Variants in NIPBL observed in about 807,000 individuals in gnomAD.
NIPBL encodes nipped-B-like protein.
Under a neutral mutation model 321.8 loss-of-function variants are expected in NIPBL, and 19 were observed. That is an observed-to-expected ratio of 0.06 (90% CI 0.04 to 0.09). NIPBL has a LOEUF of 0.09. Ranked by LOEUF, NIPBL falls within the 10% of genes least tolerant of loss-of-function variation. The probability of loss-of-function intolerance (pLI) is 1.00; values close to 1 mark genes in which losing one functional copy is unlikely to be tolerated. For missense variants in NIPBL, 2,210 were observed against 3,327.0 expected (o/e 0.66, Z 8.26); for synonymous variants, 1,106 against 1,114.1 (o/e 0.99, Z 0.14).
chr5:37,061,303 G>A (rs1343445158), intron 45 of NIPBL, among the ~76,000 whole-genome samples: 1 of 152,150 alleles, frequency 6.6e-6, no homozygotes, highest in African/African-American at 2.4e-5. Flanking sequence ...TTTTGTAGTT[G>A]TCCCCTGGTA....
intron 23 of NIPBL, 128 bp from the exon 24 acceptor site, chr5:37,016,891 A>G (rs1749058427): frequency 1.5e-6 from 1 of 665,086 alleles, no homozygotes; most frequent in Non-Finnish European, 2.4e-6. Context: ...TTTATGGGAC[A>G]ATATCACAGG....
chr5:36,919,430 C>CT (rs1748745070), intron 1 of NIPBL, among the ~76,000 whole-genome samples: 2 of 151,730 alleles, frequency 1.3e-5, no homozygotes, highest in South Asian at 4.2e-4. Context: ...AACACCTGGG[C>CT]TTGAGTGATC....
chr5:37,019,167 T>A (rs1176609817), intron 24 of NIPBL, 144 bp from the exon 25 acceptor site: 3 of 654,352 alleles, frequency 4.6e-6, no homozygotes, highest in Non-Finnish European at 8.1e-6. Context: ...GGAAATAATA[T>A]TTTTCTGTTT....
chr5:36,961,637 G>A (rs976377798), intron 5 of NIPBL, 54 bp downstream of exon 5: 6 of 1,074,520 alleles, frequency 5.6e-6, no homozygotes, highest in African/African-American at 3.1e-5. Context: ...TGAATATGCT[G>A]GTGAATATAT....
chr5:37,026,345 AAGGGT>A lies in NIPBL; in HGVS notation c.5808+19_5808+23del. ...CCGATGTGGTAAGAAGGACTGGAACAAGGGTGTGGTCACTGTTGATCCAGACCTAA... is the reference window on the plus strand; with the variant it reads ...CCGATGTGGTAAGAAGGACTGGAACAGTGGTCACTGTTGATCCAGACCTAA... On this transcript the variant is annotated intron_variant, in intron 31 of 46. Transcript: ENST00000282516. The A allele has an allele frequency of 6.9e-7, 1 of 1,456,400 alleles. No homozygotes were observed. The highest frequency in any genetic ancestry group is 9.6e-7 in the Non-Finnish European group (1 of 1,038,150). The allele number at this position is 1,456,400 out of a possible 1,614,324, so 90.2% of individuals were successfully genotyped here.
chr5:36,999,090 G>C (rs983503717), intron 11 of NIPBL, among the ~76,000 whole-genome samples: 63 of 152,230 alleles, frequency 4.1e-4, no homozygotes, highest in African/African-American at 1.5e-3. Context: ...TTCTTGAACA[G>C]GAGTAGTTAG....
intron 1 of NIPBL, among the ~76,000 whole-genome samples, chr5:36,893,782 A>G (rs2149526629): frequency 6.6e-6 from 1 of 152,282 alleles, no homozygotes; most frequent in South Asian, 2.1e-4. Flanking sequence ...TTTTAAAAAA[A>G]TGAGAATGGT....
chr5:36,904,098 C>T (rs75159087), intron 1 of NIPBL, among the ~76,000 whole-genome samples: 68 of 152,190 alleles, frequency 4.5e-4, no homozygotes, highest in Non-Finnish European at 8.1e-4. Context: ...TAGAAGTGCT[C>T]GTAAGTAGGA....
intron 29 of NIPBL, among the ~76,000 whole-genome samples, chr5:37,022,661 GA>G (rs1246960131): frequency 6.6e-6 from 1 of 152,052 alleles, no homozygotes; most frequent in East Asian, 1.9e-4. Context: ...TAGATGATAG[GA>G]ACCACATGGG....
At chr5:37,060,198 C>T (rs572971636) in intron 44 of NIPBL, among the ~76,000 whole-genome samples, 1 of 152,198 alleles carries the variant, frequency 6.6e-6, no homozygotes, top group Non-Finnish European at 1.5e-5. Context: ...GTATTTGCAA[C>T]AGGGTCTCGC....
At chr5:36,879,769 ATTGTT>A (rs1342502422) in intron 1 of NIPBL, among the ~76,000 whole-genome samples, 1 of 152,110 alleles carries the variant, frequency 6.6e-6, no homozygotes, top group Non-Finnish European at 1.5e-5. Flanking sequence ...AATGTCGCTT[ATTGTT>A]TCTCTTAACT....
chr5:37,061,525 A>G (rs1359060970), intron 45 of NIPBL, among the ~76,000 whole-genome samples: 1 of 152,110 alleles, frequency 6.6e-6, no homozygotes, highest in Non-Finnish European at 1.5e-5. Flanking sequence ...AAAAAATACA[A>G]AAAATTACCT....
At chr5:36,906,136 A>G (rs1166604470) in intron 1 of NIPBL, among the ~76,000 whole-genome samples, 1 of 152,188 alleles carries the variant, frequency 6.6e-6, no homozygotes, top group East Asian at 1.9e-4. Flanking sequence ...ACATCAATAC[A>G]TCATGATAAA....
intron 6 of NIPBL, among the ~76,000 whole-genome samples, chr5:36,968,111 AC>A (rs1217333419): frequency 0.1 from 11,842 of 115,092 alleles, 1,065 homozygotes; most frequent in Admixed American, 0.15. Context: ...AAAAAAAAAA[AC>A]AAAAAACAAA....
At position 37,052,580 on chromosome 5, in the gene NIPBL, CTT is replaced by C; in HGVS notation, c.7263+15_7263+16del. On this transcript the variant is annotated intron_variant, in intron 42 of 46. Coordinates refer to ENST00000282516, the MANE Select transcript of NIPBL (RefSeq NM_133433.4). ...GATGACACAGCAGTAAGCACAAAAA[CTT>C]ATTATTTTAAGAAAATAAGTGCTCT... 22 of 1,607,152 alleles carry C rather than the reference CTT, an allele frequency of 1.4e-5. No individual in the cohort carries two copies. The highest frequency in any genetic ancestry group is 1.9e-5 in the Non-Finnish European group (22 of 1,174,074).
At chr5:37,044,969 A>G (rs1752823399) in intron 36 of NIPBL, among the ~76,000 whole-genome samples, 1 of 152,228 alleles carries the variant, frequency 6.6e-6, no homozygotes, top group Non-Finnish European at 1.5e-5. Context: ...GCGCACTGTG[A>G]AAAGTAAAAT....
chr5:37,023,028 C>T (rs933442444), intron 29 of NIPBL, among the ~76,000 whole-genome samples: 1 of 152,194 alleles, frequency 6.6e-6, no homozygotes, highest in African/African-American at 2.4e-5. Flanking sequence ...GGCATATTGA[C>T]TTATTGTAGA....
chr5:36,952,062 G>GCGCGCA (rs1554010313), intron 1 of NIPBL, among the ~76,000 whole-genome samples: 3 of 132,186 alleles, frequency 2.3e-5, no homozygotes, highest in African/African-American at 5.2e-5. Context: ...GTGCGCGCGC[G>GCGCGCA]CGCGCGCGCG....
At chr5:36,958,002 T>A (rs1056787604) in intron 3 of NIPBL, 102 bp from the exon 4 acceptor site, 7 of 1,077,112 alleles carry the variant, frequency 6.5e-6, no homozygotes, top group Admixed American at 4.7e-5. Flanking sequence ...AAAAAAAAAA[T>A]TCATATTGTT....
Sources: gnomAD v4.1 joint callset for allele counts (sites outside exome capture counted in the v4.1 genomes callset) on GRCh38, gnomAD v4.1.1 for gene constraint, MANE v1.5 for transcripts, NCBI Gene and HGNC (gene_info 2026-07-23, HGNC 2026-07-21) for gene names.